Variants in UBE3D observed in about 807,000 individuals in gnomAD.
UBE3D encodes E3 ubiquitin-protein ligase E3D.
In UBE3D, 48 loss-of-function variants were observed where a neutral mutation model predicts 49.6. That is an observed-to-expected ratio of 0.97 (90% CI 0.77 to 1.23). UBE3D has a LOEUF of 1.23. Ranked by LOEUF, UBE3D falls within the 50% of genes most tolerant of loss-of-function variation. The pLI, the probability that UBE3D is intolerant of heterozygous loss-of-function variation, is 0.00. For missense variants in UBE3D, 452 were observed against 468.4 expected (o/e 0.96, Z 0.32); for synonymous variants, 189 against 174.2 (o/e 1.08, Z -0.67).
chr6:82,992,795 G>A (rs1778983182), intron 8 of UBE3D, among the ~76,000 whole-genome samples: 1 of 152,096 alleles, frequency 6.6e-6, no homozygotes, highest in South Asian at 2.1e-4. Flanking sequence ...ACATAGTGAT[G>A]TCATTTGACA....
rs560348110 is a variant in UBE3D at position 82,901,916 on chromosome 6, G to A, written c.1150-8874C>T. Reference sequence around the variant, plus strand: ...GCTAATATCTCAAATTCAAATTGACGTATCATAGAAAGCTAGTCTGTTAAA... The same window carrying A: ...GCTAATATCTCAAATTCAAATTGACATATCATAGAAAGCTAGTCTGTTAAA... On this transcript the variant is annotated intron_variant, in intron 9 of 9. Coordinates refer to ENST00000369747, the MANE Select transcript of UBE3D (RefSeq NM_198920.3). Among the ~76,000 whole-genome samples the A allele has an allele frequency of 2.6e-5, 4 of 152,252 alleles. No individual in the cohort carries two copies. In the East Asian group the frequency reaches 7.7e-4, roughly 29 times the overall value.
intron 9 of UBE3D, among the ~76,000 whole-genome samples, chr6:82,899,866 A>G (rs1338787556): frequency 1.3e-5 from 2 of 149,880 alleles, no homozygotes; most frequent in African/African-American, 2.5e-5. Flanking sequence ...TAATGAGAGC[A>G]AACCGATGGG....
intron 9 of UBE3D, among the ~76,000 whole-genome samples, chr6:82,957,077 C>G (rs958643864): frequency 1.3e-5 from 2 of 151,998 alleles, no homozygotes; most frequent in African/African-American, 4.8e-5. Flanking sequence ...TGCTGTGAGC[C>G]GAGATTGCAC....
intron 9 of UBE3D, among the ~76,000 whole-genome samples, chr6:82,948,088 G>A (rs570572853): frequency 1.3e-5 from 2 of 151,892 alleles, no homozygotes; most frequent in South Asian, 4.2e-4. Flanking sequence ...CAAAATGTTG[G>A]TTTTTTTGAA....
chr6:83,063,412 T>TAAAAAAAAAAAAAAA (rs201669450), intron 1 of UBE3D, among the ~76,000 whole-genome samples: 6 of 45,492 alleles, frequency 1.3e-4, no homozygotes, highest in Admixed American at 5.2e-4. Flanking sequence ...AGACGCTGTC[T>TAAAAAAAAAAAAAAA]AAAAAAAAAA....
chr6:83,011,168 C>A (rs1258265414), intron 8 of UBE3D, among the ~76,000 whole-genome samples: 2 of 152,170 alleles, frequency 1.3e-5, no homozygotes, highest in African/African-American at 4.8e-5. Context: ...AGTCAATAAA[C>A]TTTATCTCAC....
chr6:82,951,547 A>T (rs1247865178), intron 9 of UBE3D, among the ~76,000 whole-genome samples: 2 of 152,192 alleles, frequency 1.3e-5, no homozygotes, highest in Non-Finnish European at 2.9e-5. Flanking sequence ...AGTGAGAGTC[A>T]ATCCTTAAGT....
intron 9 of UBE3D, among the ~76,000 whole-genome samples, chr6:82,905,036 T>C (rs745678801): frequency 9.2e-5 from 14 of 152,190 alleles, no homozygotes; most frequent in Non-Finnish European, 1.9e-4. Context: ...CCTGGATTGC[T>C]GACATAATCC....
chr6:82,894,149 T>A (rs1771137663), intron 9 of UBE3D: 1 of 152,254 alleles, frequency 6.6e-6, no homozygotes, highest in Middle Eastern at 3.4e-3. Context: ...TCAAATGAGA[T>A]CATTGTTAGT....
chr6:82,967,972 T>G (rs989384129), intron 8 of UBE3D, among the ~76,000 whole-genome samples: 38 of 152,126 alleles, frequency 2.5e-4, no homozygotes, highest in African/African-American at 8.9e-4. Context: ...TGAGTAAATT[T>G]CCATGGAATA....
At chr6:82,940,464 C>T (rs1774927337) in intron 9 of UBE3D, among the ~76,000 whole-genome samples, 1 of 152,162 alleles carries the variant, frequency 6.6e-6, no homozygotes, top group Admixed American at 6.5e-5. Flanking sequence ...ACACTGAGGA[C>T]AAAGGCATTA....
At chr6:82,910,867 T>C (rs1461302611) in intron 9 of UBE3D, among the ~76,000 whole-genome samples, 1 of 152,158 alleles carries the variant, frequency 6.6e-6, no homozygotes, top group Non-Finnish European at 1.5e-5. Flanking sequence ...CACTGCAGTA[T>C]AGTTGGGATC....
intron 8 of UBE3D, among the ~76,000 whole-genome samples, chr6:82,976,473 C>T (rs1448793310): frequency 6.6e-6 from 1 of 152,126 alleles, no homozygotes; most frequent in Non-Finnish European, 1.5e-5. Context: ...ACAACTGCTC[C>T]GAGATTCTTT....
chr6:82,993,050 CAAAT>C (rs1424902757), intron 8 of UBE3D, among the ~76,000 whole-genome samples: 1 of 150,938 alleles, frequency 6.6e-6, no homozygotes, highest in Non-Finnish European at 1.5e-5. Context: ...TATGAATACA[CAAAT>C]AAATAAAGCT....
intron 9 of UBE3D, among the ~76,000 whole-genome samples, chr6:82,916,729 T>C (rs942202634): frequency 2.6e-5 from 4 of 152,112 alleles, no homozygotes; most frequent in African/African-American, 4.8e-5. Flanking sequence ...GAAAAACAAA[T>C]ACAAATGGGA....
chr6:82,978,629 T>G (rs893414759), intron 8 of UBE3D, among the ~76,000 whole-genome samples: 3 of 152,194 alleles, frequency 2.0e-5, no homozygotes, highest in African/African-American at 7.2e-5. Context: ...GGGAAGTTAT[T>G]GTTAAAATTC....
the UBE3D span, among the ~76,000 whole-genome samples, chr6:82,883,455 C>T: frequency 6.6e-6 from 1 of 152,120 alleles, no homozygotes; most frequent in African/African-American, 2.4e-5. Context: ...AGGCATCGTC[C>T]TAAGCACAGG....
At chr6:82,992,216 CTTTTT>C (rs386407755) in intron 8 of UBE3D, among the ~76,000 whole-genome samples, 1 of 96,748 alleles carries the variant, frequency 1.0e-5, no homozygotes, top group Admixed American at 1.3e-4. Flanking sequence ...ATCTGCATTC[CTTTTT>C]TTTTTTTTTT....
chr6:83,029,526 A>G (rs1396928201), intron 5 of UBE3D, among the ~76,000 whole-genome samples: 1 of 152,198 alleles, frequency 6.6e-6, no homozygotes, highest in African/African-American at 2.4e-5. Flanking sequence ...CCATATTTAT[A>G]ATAGCTGCTT....
Sources: allele counts gnomAD v4.1 joint callset (sites outside exome capture counted in the v4.1 genomes callset), GRCh38; gene constraint gnomAD v4.1.1; transcripts MANE v1.5; gene names NCBI Gene and HGNC (gene_info 2026-07-23, HGNC 2026-07-21).